PRKD3: variants seen among roughly 807,000 people sequenced by gnomAD.
The protein encoded by PRKD3 is protein kinase D3.
In PRKD3, 47 loss-of-function variants were observed where a neutral mutation model predicts 99.2. The observed-to-expected ratio is 0.47, with a 90% confidence interval of 0.38 to 0.60. The LOEUF (loss-of-function observed/expected upper bound fraction) is 0.60. PRKD3 is among the 20% of genes least tolerant of loss of function. The pLI is 0.00. For synonymous variants in PRKD3, 392 were observed against 355.4 expected, an observed-to-expected ratio of 1.10 and a Z score of -1.16; for missense variants, 1,019 against 1,088.4, an observed-to-expected ratio of 0.94 and a Z score of 0.90.
chr2:37,280,582 G>T (rs185795694), intron 7 of PRKD3, among the ~76,000 whole-genome samples: 2 of 152,076 alleles, frequency 1.3e-5, no homozygotes, highest in Non-Finnish European at 2.9e-5. Flanking sequence ...ACATGCAAAA[G>T]AATGAACATA....
intron 2 of PRKD3, among the ~76,000 whole-genome samples, chr2:37,298,075 C>T (rs1345177044): frequency 6.6e-6 from 1 of 152,036 alleles, no homozygotes; most frequent in East Asian, 1.9e-4. Flanking sequence ...TTATATATAT[C>T]AATATAGACT....
chr2:37,274,327 A>G (rs1452072761), intron 11 of PRKD3, 94 bp downstream of exon 11: 3 of 1,404,192 alleles, frequency 2.1e-6, no homozygotes, highest in Non-Finnish European at 1.9e-6. Flanking sequence ...TAAGCTTAGG[A>G]TGAACATTAA....
intron 4 of PRKD3, among the ~76,000 whole-genome samples, chr2:37,290,485 C>T (rs1670357495): frequency 1.3e-5 from 2 of 152,172 alleles, no homozygotes; most frequent in African/African-American, 2.4e-5. Context: ...CCACCAGCCT[C>T]GGCATCCCAA....
intron 18 of PRKD3, 116 bp downstream of exon 18, chr2:37,254,088 T>C (rs1319232676): frequency 1.1e-5 from 8 of 727,214 alleles, no homozygotes; most frequent in Non-Finnish European, 1.9e-5. Context: ...TACAAATTAA[T>C]CACTTAAGAG....
At chr2:37,267,716 C>T (rs1668941710) in intron 13 of PRKD3, 180 bp from the exon 14 acceptor site, 1 of 541,790 alleles carries the variant, frequency 1.8e-6, no homozygotes, top group East Asian at 3.2e-5. Flanking sequence ...CCCCTCCATA[C>T]ATAATATTTG....
chr2:37,302,244 T>A (rs189674009), intron 2 of PRKD3, among the ~76,000 whole-genome samples: 2 of 152,166 alleles, frequency 1.3e-5, no homozygotes, highest in Admixed American at 1.3e-4. Context: ...TGTTCCCCCA[T>A]CCCCCGAGCT....
chr2:37,266,895 G>C (rs1668881501), intron 14 of PRKD3, among the ~76,000 whole-genome samples: 1 of 152,138 alleles, frequency 6.6e-6, no homozygotes, highest in South Asian at 2.1e-4. Context: ...AGTGATCCAA[G>C]GATCAAGCTA....
At chr2:37,256,364 G>A (rs1402383381) in intron 17 of PRKD3, among the ~76,000 whole-genome samples, 1 of 152,160 alleles carries the variant, frequency 6.6e-6, no homozygotes, top group Non-Finnish European at 1.5e-5. Flanking sequence ...TAGTGACTAG[G>A]AAGGACCAGA....
At chr2:37,275,263 C>G (rs1669510945) in intron 10 of PRKD3, among the ~76,000 whole-genome samples, 1 of 152,070 alleles carries the variant, frequency 6.6e-6, no homozygotes, top group African/African-American at 2.4e-5. Flanking sequence ...TTCCCATTCT[C>G]TCTTACTGAC....
chr2:37,256,756 T>C lies in PRKD3; in HGVS notation c.2319A>G (p.Thr773=). 3.1e-6 allele frequency: 5 copies of C among 1,612,252 alleles called. No individual in the cohort carries two copies. In the South Asian group the frequency reaches 5.5e-5, roughly 18 times the overall value. ...GVIIYVSLSG[T]FPFNEDEDIN... is the part of the protein sequence containing the mutation. The stretch of plus-strand genomic sequence containing the variant: ...TATCTTCATCCTCATTAAAAGGAAA[T>C]GTGCCACTGAGGCTCACATAGATGA... Residue 773 remains threonine, a synonymous_variant, in exon 17 of 19, where the codon ACA becomes ACG. Transcript: ENST00000234179.
In PRKD3 at chr2:37,286,378, TA is replaced by T. The variant is rs1670096005; in HGVS notation, c.718-10del. On this transcript the variant is annotated splice_polypyrimidine_tract_variant and intron_variant, in intron 5 of 18. Coordinates refer to ENST00000234179, the MANE Select transcript of PRKD3 (RefSeq NM_005813.6). ...TCCTGGTGGACATGTGACTATAACA[TA>T]AGTAATTTTCATAAGTGTAAGTCAA... The T allele has an allele frequency of 6.2e-7, 1 of 1,609,870 alleles. No individual in the cohort carries two copies. Among genetic ancestry groups the T allele is most frequent in the Non-Finnish European group, 8.5e-7 (1 of 1,176,710 alleles).
At chr2:37,280,908 T>A (rs1669829921) in intron 7 of PRKD3, among the ~76,000 whole-genome samples, 1 of 152,054 alleles carries the variant, frequency 6.6e-6, no homozygotes, top group South Asian at 2.1e-4. Flanking sequence ...TACAGCTCAA[T>A]GAAAAATAAA....
rs1442158622 is a variant in PRKD3 at position 37,250,875 on chromosome 2, A to G, written c.*2302T>C. ...CTTTTACAAACACGACTTAAAGACA[A>G]AAAGTTATGCAGGTTATACAGTATC... is the stretch of plus-strand genomic sequence containing the variant. On this transcript the variant is annotated 3_prime_UTR_variant, in exon 19 of 19. Coordinates refer to ENST00000234179, the MANE Select transcript of PRKD3 (RefSeq NM_005813.6). 6.6e-6 allele frequency: 1 copy of G among 152,650 alleles called. No homozygotes were observed. The highest frequency in any genetic ancestry group is 2.4e-5 in the African/African-American group (1 of 41,456). The allele number at this position is 152,650 out of a possible 1,614,324, so 9.5% of individuals were successfully genotyped here. A position where few individuals can be genotyped will look rare whatever the true frequency, so the allele number is the denominator to read the frequency against.
Position 37,274,665 on chromosome 2 carries a change from A to C in PRKD3, c.1407T>G (p.Ser469=), listed in dbSNP as rs750992633. The change falls in exon 11 of 19, where the codon TCT becomes TCG. Residue 469 remains serine, a synonymous_variant. Coordinates refer to ENST00000234179, the MANE Select transcript of PRKD3 (RefSeq NM_005813.6). ...EIPLSEILRI[S]SPRDFTNISQ... ...AAATGTTTGTGAAATCTCGTGGTGAAGATATGCGGAGAATTTCTGAAAGTG... is the reference window on the plus strand; with the variant it reads ...AAATGTTTGTGAAATCTCGTGGTGACGATATGCGGAGAATTTCTGAAAGTG... 1.2e-5 allele frequency: 19 copies of C among 1,613,626 alleles called. No individual in the cohort carries two copies. Among genetic ancestry groups the C allele is most frequent in the Non-Finnish European group, 1.3e-5 (15 of 1,179,722 alleles).
At chr2:37,274,236 C>T (rs948713492) in intron 11 of PRKD3, among the ~76,000 whole-genome samples, 185 bp downstream of exon 11, 2 of 151,972 alleles carry the variant, frequency 1.3e-5, no homozygotes, top group African/African-American at 4.8e-5. Context: ...ATTGTATGTA[C>T]GTATATATAC....
intron 2 of PRKD3, among the ~76,000 whole-genome samples, chr2:37,309,675 C>T (rs1441133204): frequency 6.6e-6 from 1 of 152,054 alleles, no homozygotes; most frequent in Non-Finnish European, 1.5e-5. Flanking sequence ...TGGTGAAACC[C>T]TGTCTCTACT....
chr2:37,295,484 G>A lies in PRKD3; in HGVS notation c.289-2213C>T, dbSNP rs78036412. Among the ~76,000 whole-genome samples the A allele has an allele frequency of 6.4e-3, 975 of 152,118 alleles. 11 individuals carry two copies. Among genetic ancestry groups the A allele is most frequent in the African/African-American group, 0.021 (863 of 41,484 alleles). On this transcript the variant is annotated intron_variant, in intron 2 of 18. Transcript: ENST00000234179. ...GAGCCTTGAGACTAAAGAATGAGAT[G>A]GGGGAAAGCTGGGTAGAGAGAGGGC...
intron 2 of PRKD3, among the ~76,000 whole-genome samples, chr2:37,297,649 T>C (rs1016397844): frequency 6.6e-6 from 1 of 152,228 alleles, no homozygotes; most frequent in African/African-American, 2.4e-5. Flanking sequence ...TGCTGGATTT[T>C]AACAATCTTG....
chr2:37,323,012 C>T (rs927303102), intron 1 of PRKD3, among the ~76,000 whole-genome samples: 1 of 151,950 alleles, frequency 6.6e-6, no homozygotes, highest in Non-Finnish European at 1.5e-5. Context: ...AAGAAAACTG[C>T]ACTTAAATGA....
Sources: gnomAD v4.1 joint callset for allele counts (sites outside exome capture counted in the v4.1 genomes callset) on GRCh38, gnomAD v4.1.1 for gene constraint, MANE v1.5 for transcripts, NCBI Gene and HGNC (gene_info 2026-07-23, HGNC 2026-07-21) for gene names.